The following BBS1 variants were observed in gnomAD, a reference collection of about 807,000 sequenced individuals.
The protein encoded by BBS1 is BBSome complex member BBS1.
A neutral mutation model predicts 73.9 loss-of-function variants in BBS1; 60 were observed. That is an observed-to-expected ratio of 0.81 (90% CI 0.66 to 1.01). BBS1 has a LOEUF of 1.01. Among genes scored for constraint, BBS1 ranks in the 50% least tolerant of loss-of-function variants. The probability of loss-of-function intolerance (pLI) is 0.00; values close to 1 mark genes in which losing one functional copy is unlikely to be tolerated. For missense variants in BBS1, 718 were observed against 770.3 expected, an observed-to-expected ratio of 0.93 and a Z score of 0.80; for synonymous variants, 283 against 317.4, an observed-to-expected ratio of 0.89 and a Z score of 1.15.
intron 4 of BBS1, among the ~76,000 whole-genome samples, 164 bp downstream of exon 4, chr11:66,514,842 T>C (rs1364354678): frequency 6.7e-6 from 1 of 149,582 alleles, no homozygotes; most frequent in Non-Finnish European, 1.5e-5. Flanking sequence ...TGAGACGGAG[T>C]TTCACTCTTG....
intron 11 of BBS1, among the ~76,000 whole-genome samples, chr11:66,525,125 G>A (rs1261227140): frequency 1.3e-5 from 2 of 151,914 alleles, no homozygotes; most frequent in African/African-American, 2.4e-5. Context: ...GCGTGAACCT[G>A]GGAGGTGGAG....
intron 12 of BBS1, 58 bp from the exon 13 acceptor site, chr11:66,526,591 A>G: frequency 6.2e-7 from 1 of 1,609,856 alleles, no homozygotes. Context: ...GGAAGAAAGA[A>G]TGGGAATGTG....
chr11:66,514,875 A>G (rs1045158378), intron 4 of BBS1, among the ~76,000 whole-genome samples, 197 bp downstream of exon 4: 1 of 151,506 alleles, frequency 6.6e-6, no homozygotes, highest in African/African-American at 2.4e-5. Context: ...GAGTGCAATG[A>G]CGTGATCTTG....
chr11:66,518,148 G>A (rs1856095925), intron 7 of BBS1, among the ~76,000 whole-genome samples: 1 of 150,672 alleles, frequency 6.6e-6, no homozygotes, highest in Admixed American at 6.6e-5. Context: ...GTAGGGACAG[G>A]GTTTCTCCCT....
chr11:66,532,032 G>C lies in BBS1; in HGVS notation c.1777G>C (p.Ala593Pro). The C allele has an allele frequency of 6.2e-7, 1 of 1,603,316 alleles. No homozygotes were observed. Among genetic ancestry groups the C allele is most frequent in the Non-Finnish European group, 8.5e-7 (1 of 1,175,940 alleles). ...NMPGSEGLAA[A>P] Reference sequence around the variant, plus strand: ...GCCTGGGAGCGAGGGGCTGGCGGCCGCCTGAGACCTGAGCTGCTGTGAAAG... The same window carrying C: ...GCCTGGGAGCGAGGGGCTGGCGGCCCCCTGAGACCTGAGCTGCTGTGAAAG... The change falls in exon 17 of 17, where the codon GCC becomes CCC. Residue 593 changes from alanine (A) to proline (P), a missense_variant. Coordinates refer to ENST00000318312, the MANE Select transcript of BBS1 (RefSeq NM_024649.5).
Position 66,521,267 on chromosome 11 carries a change from C to T in BBS1, c.724-3C>T. The stretch of plus-strand genomic sequence containing the variant: ...TTGGAGTGTTTGCGCTTCTTGTTTG[C>T]AGATGAGCCTTCCCAGCGTCCCCGT... On this transcript the variant is annotated splice_polypyrimidine_tract_variant and splice_region_variant and intron_variant, in intron 8 of 16. Transcript: ENST00000318312. The T allele has an allele frequency of 1.2e-6, 2 of 1,612,964 alleles. No individual in the cohort carries two copies. The highest frequency in any genetic ancestry group is 1.7e-6 in the Non-Finnish European group (2 of 1,178,926).
chr11:66,522,292 C>T (rs992881504), intron 9 of BBS1, among the ~76,000 whole-genome samples: 1 of 150,906 alleles, frequency 6.6e-6, no homozygotes, highest in Admixed American at 6.6e-5. Flanking sequence ...GGGTACATGA[C>T]ATGACACTTG....
rs759508980 is a variant in BBS1 at position 66,510,649 on chromosome 11, C to T, written c.-11C>T. On this transcript the variant is annotated 5_prime_UTR_variant, in exon 1 of 17. It adds an upstream start codon to the 5' untranslated region. Transcript: ENST00000318312. ...AGGGCGGGGCCGGTTGCCAGGACGACGCCTGCGAAGATGGCCGCTGCGTCC... is the reference window on the plus strand; with the variant it reads ...AGGGCGGGGCCGGTTGCCAGGACGATGCCTGCGAAGATGGCCGCTGCGTCC... 18 of 1,614,124 alleles carry T rather than the reference C, an allele frequency of 1.1e-5. No individual in the cohort carries two copies. Among genetic ancestry groups the T allele is most frequent in the Non-Finnish European group, 1.2e-5 (14 of 1,180,018 alleles).
At chr11:66,514,748 C>A (rs1856013390) in intron 4 of BBS1, 70 bp downstream of exon 4, 1 of 1,575,352 alleles carries the variant, frequency 6.3e-7, no homozygotes, top group Admixed American at 1.7e-5. Context: ...GAGGGCTGGG[C>A]TCCTGGGAAG....
At chr11:66,526,930 A>G in intron 13 of BBS1, 123 bp downstream of exon 13, 2 of 1,598,582 alleles carry the variant, frequency 1.3e-6, no homozygotes, top group Non-Finnish European at 1.7e-6. Context: ...TAGGTAGGTC[A>G]CTCACCTCTG....
chr11:66,512,441 G>A (rs540800302), intron 3 of BBS1, among the ~76,000 whole-genome samples: 1 of 152,296 alleles, frequency 6.6e-6, no homozygotes, highest in Admixed American at 6.5e-5. Context: ...ATAGGACTCA[G>A]TGGTTTTTGC....
intron 8 of BBS1, 39 bp downstream of exon 8, chr11:66,519,787 A>G: frequency 1.2e-6 from 2 of 1,609,822 alleles, no homozygotes; most frequent in Non-Finnish European, 8.5e-7. Flanking sequence ...CTGGAGGCCC[A>G]GGCTGCATTC....
chr11:66,511,855 C>T (rs889393194), intron 3 of BBS1, among the ~76,000 whole-genome samples: 1 of 151,246 alleles, frequency 6.6e-6, no homozygotes, highest in African/African-American at 2.4e-5. Context: ...AAAAATTAGC[C>T]GGGCATGGTG....
At chr11:66,510,870 G>C in intron 1 of BBS1, 143 bp from the exon 2 acceptor site, 1 of 1,357,052 alleles carries the variant, frequency 7.4e-7, no homozygotes, top group Non-Finnish European at 1.1e-6. Flanking sequence ...TCTGGAGGTC[G>C]CTCGGTGAGC....
At chr11:66,510,758 C>T in intron 1 of BBS1, 52 bp downstream of exon 1, 5 of 1,609,360 alleles carry the variant, frequency 3.1e-6, no homozygotes, top group Non-Finnish European at 8.5e-7. Context: ...AAAGAGGGTC[C>T]CTTGGTCCCC....
rs1856812710 is a variant in BBS1 at position 66,532,130 on chromosome 11, C to G, written c.*93C>G. 7.5e-7 allele frequency: 1 copy of G among 1,341,980 alleles called. No homozygotes were observed. Among genetic ancestry groups the G allele is most frequent in the Admixed American group, 2.1e-5 (1 of 47,470 alleles). 83.1% of individuals were successfully genotyped at this position (1,341,980 alleles called of 1,614,324 possible). A position where few individuals can be genotyped will look rare whatever the true frequency, so the allele number is the denominator to read the frequency against. ...GGCCCACTCCTCATGCAGCAGTGTGCTGGGGCGACAGCTCGTCTCCCCTCT... is the reference window on the plus strand; with the variant it reads ...GGCCCACTCCTCATGCAGCAGTGTGGTGGGGCGACAGCTCGTCTCCCCTCT... On this transcript the variant is annotated 3_prime_UTR_variant, in exon 17 of 17. Transcript: ENST00000318312.
chr11:66,523,007 G>A (rs982959072), intron 9 of BBS1: 8 of 385,422 alleles, frequency 2.1e-5, no homozygotes, highest in Non-Finnish European at 3.6e-5. Context: ...GGAACTAACT[G>A]TACTTTCTGG....
intron 9 of BBS1, 51 bp downstream of exon 9, chr11:66,521,427 G>A: frequency 1.4e-6 from 2 of 1,461,758 alleles, no homozygotes; most frequent in South Asian, 1.1e-5. Context: ...CAGAAAACTG[G>A]TGGCTTCAGA....
intron 7 of BBS1, among the ~76,000 whole-genome samples, chr11:66,517,625 G>A (rs1856079705): frequency 1.3e-5 from 2 of 151,760 alleles, no homozygotes; most frequent in South Asian, 2.1e-4. Context: ...ACACCACCAC[G>A]CCCAGCTAAT....
Sources: gnomAD v4.1 joint callset for allele counts (sites outside exome capture counted in the v4.1 genomes callset) on GRCh38, gnomAD v4.1.1 for gene constraint, MANE v1.5 for transcripts, NCBI Gene and HGNC (gene_info 2026-07-23, HGNC 2026-07-21) for gene names.